Variants in TAOK1 observed in about 807,000 individuals in gnomAD.
The protein encoded by TAOK1 is TAO kinase 1.
Under a neutral mutation model 138.3 loss-of-function variants are expected in TAOK1, and 21 were observed. The observed-to-expected ratio is 0.15, with a 90% CI of 0.11 to 0.22. TAOK1 has a LOEUF of 0.22. Ranked by LOEUF, TAOK1 falls within the 10% of genes least tolerant of loss-of-function variation. The pLI is 1.00. For synonymous variants in TAOK1, 361 were observed against 398.4 expected (o/e 0.91, Z 1.12); for missense variants, 651 against 1,227.7 (o/e 0.53, Z 7.02).
chr17:29,517,933 G>A (rs576987572), intron 16 of TAOK1, among the ~76,000 whole-genome samples: 2 of 152,034 alleles, frequency 1.3e-5, no homozygotes, highest in East Asian at 1.9e-4. Flanking sequence ...TTGGCTCAGT[G>A]CAACCTCCAC....
chr17:29,406,722 A>G (rs7208877), intron 1 of TAOK1, among the ~76,000 whole-genome samples: 148,112 of 152,094 alleles, frequency 0.97, 72,152 homozygotes, highest in East Asian at 1. Flanking sequence ...GACTACTGGC[A>G]TACACCACCA....
At chr17:29,423,324 A>G (rs1375491474) in intron 1 of TAOK1, among the ~76,000 whole-genome samples, 3 of 148,958 alleles carry the variant, frequency 2.0e-5, no homozygotes, top group African/African-American at 2.5e-5. Flanking sequence ...GGTTCACGCC[A>G]TTCTGCTCAG....
intron 1 of TAOK1, among the ~76,000 whole-genome samples, chr17:29,432,460 T>C (rs1905873943): frequency 6.6e-6 from 1 of 152,228 alleles, no homozygotes; most frequent in Non-Finnish European, 1.5e-5. Context: ...GCAGAGATTT[T>C]GTTTATGGCC....
Position 29,413,133 on chromosome 17 carries a change from T to C in TAOK1, c.-95+22109T>C, listed in dbSNP as rs550873694. ...AATGGCTTACTCATAGTCATTGTTA[T>C]ACATAGTGGTGATCCTGAGTCAACA... On this transcript the variant is annotated intron_variant, in intron 1 of 19. Transcript: ENST00000261716. 3.3e-5 allele frequency among the ~76,000 whole-genome samples: 5 copies of C among 152,330 alleles called. No individual in the cohort carries two copies. The East Asian group carries it at 5.8e-4, about 18-fold the overall frequency.
chr17:29,410,952 T>G (rs1905127585), intron 1 of TAOK1, among the ~76,000 whole-genome samples: 1 of 152,004 alleles, frequency 6.6e-6, no homozygotes, highest in Admixed American at 6.6e-5. Context: ...ACTATTATCT[T>G]AATTCTACTT....
chr17:29,521,758 G>C (rs918270708), intron 16 of TAOK1, among the ~76,000 whole-genome samples: 8 of 152,112 alleles, frequency 5.3e-5, no homozygotes, highest in African/African-American at 1.9e-4. Flanking sequence ...AATTTTTTGT[G>C]TTTTTAGTAG....
chr17:29,395,968 C>T (rs1186397849), intron 1 of TAOK1, among the ~76,000 whole-genome samples: 2 of 151,376 alleles, frequency 1.3e-5, no homozygotes, highest in South Asian at 2.1e-4. Flanking sequence ...GCACCCGGCC[C>T]GATTTCCGTA....
intron 12 of TAOK1, among the ~76,000 whole-genome samples, chr17:29,502,063 C>CA (rs2031540721): frequency 6.6e-6 from 1 of 152,078 alleles, no homozygotes; most frequent in Non-Finnish European, 1.5e-5. Flanking sequence ...ATCAATCAGT[C>CA]AATCTAGTCA....
rs1304840743 is a variant in TAOK1, at chr17:29,522,266, G to A, written c.1909-14G>A. 4 of 1,612,834 alleles carry A rather than the reference G, an allele frequency of 2.5e-6. No individual in the cohort carries two copies. On this transcript the variant is annotated splice_polypyrimidine_tract_variant and intron_variant, in intron 16 of 19. Transcript: ENST00000261716. The stretch of plus-strand genomic sequence containing the variant: ...GCAGTAAGTTATACCTTTGTCTTTT[G>A]TGTTATGGATTAGGAGTTAAACAAA...
chr17:29,422,960 G>C (rs78943577), intron 1 of TAOK1, among the ~76,000 whole-genome samples: 2 of 152,270 alleles, frequency 1.3e-5, no homozygotes, highest in Admixed American at 6.5e-5. Flanking sequence ...GGGAGGCAAA[G>C]GTTGCAGTGA....
At chr17:29,397,811 ATATG>A (rs1904707229) in intron 1 of TAOK1, among the ~76,000 whole-genome samples, 2 of 149,996 alleles carry the variant, frequency 1.3e-5, no homozygotes, top group Non-Finnish European at 3.0e-5. Flanking sequence ...ATGTATGTAT[ATATG>A]TATATACATG....
intron 1 of TAOK1, among the ~76,000 whole-genome samples, chr17:29,430,233 ACCTGAGGAGCGGCTCAAGGAGC>A (rs1905781532): frequency 6.6e-6 from 1 of 152,206 alleles, no homozygotes; most frequent in Admixed American, 6.5e-5. Context: ...GTGGGAGCAG[ACCTGAGGAGCGGCTCAAGGAGC>A]CCAGGTGTAG....
At chr17:29,475,857 A>G (rs2030931993) in intron 4 of TAOK1, 86 bp downstream of exon 4, 7 of 964,564 alleles carry the variant, frequency 7.3e-6, no homozygotes, top group African/African-American at 1.7e-5. Flanking sequence ...CTGGTTGTGT[A>G]AATGCATGCA....
intron 1 of TAOK1, among the ~76,000 whole-genome samples, chr17:29,444,197 C>T (rs1598483417): frequency 6.6e-6 from 1 of 151,900 alleles, no homozygotes; most frequent in Admixed American, 6.6e-5. Context: ...GTGTATTTAG[C>T]AGACTAGAAG....
At chr17:29,497,363 T>C (rs2031434680) in intron 11 of TAOK1, among the ~76,000 whole-genome samples, 3 of 152,190 alleles carry the variant, frequency 2.0e-5, no homozygotes, top group Admixed American at 6.5e-5. Flanking sequence ...ATTGGGATGA[T>C]TTCAGATATG....
chr17:29,429,341 CT>C (rs1302236319), intron 1 of TAOK1, among the ~76,000 whole-genome samples: 1 of 151,840 alleles, frequency 6.6e-6, no homozygotes, highest in Non-Finnish European at 1.5e-5. Flanking sequence ...GTCCCCCACA[CT>C]GGGGGACACT....
rs2031839082 is a variant in TAOK1 at position 29,517,480 on chromosome 17, A to C, written c.1732A>C (p.Lys578Gln). The change falls in exon 16 of 20, where the codon AAA becomes CAA. Residue 578 changes from lysine to glutamine, a missense_variant. This residue lies in a region of TAOK1 where 258 missense variants were observed against 548.9 expected (regional missense o/e 0.47). Coordinates refer to ENST00000261716, the MANE Select transcript of TAOK1 (RefSeq NM_020791.4). ...GCTAAATGAAAACCAGAGTACCCCC[A>C]AAAAAGAAAAACAGGAGTGGCTTTC... is the stretch of plus-strand genomic sequence containing the variant. Reference protein sequence around the residue: ...EELNENQSTPKKEKQEWLSKQ... With the variant: ...EELNENQSTPQKEKQEWLSKQ... 6.2e-7 allele frequency: 1 copy of C among 1,613,796 alleles called. No homozygotes were observed. The highest frequency in any genetic ancestry group is 8.5e-7 in the Non-Finnish European group (1 of 1,179,948).
intron 1 of TAOK1, among the ~76,000 whole-genome samples, chr17:29,425,407 G>C (rs1430469565): frequency 6.6e-6 from 1 of 152,120 alleles, no homozygotes; most frequent in Non-Finnish European, 1.5e-5. Flanking sequence ...TACCAGGCTT[G>C]GTGGCTCCTG....
rs1402988483 is a variant in TAOK1, at chr17:29,441,334, C to T, written c.-94-10121C>T. Among the ~76,000 whole-genome samples the T allele has an allele frequency of 2.0e-5, 3 of 152,076 alleles. No homozygotes were observed. In the East Asian group the frequency reaches 5.8e-4, roughly 29 times the overall value. On this transcript the variant is annotated intron_variant, in intron 1 of 19. Coordinates refer to ENST00000261716, the MANE Select transcript of TAOK1 (RefSeq NM_020791.4). ...GTCCACTCTGGGCAATATAGCGAGA[C>T]CCTGCTCTTTAAAAAAATTGTAGAA...
Sources: gnomAD v4.1 joint callset for allele counts (sites outside exome capture counted in the v4.1 genomes callset) on GRCh38, gnomAD v4.1.1 for gene constraint, gnomAD v4.1.1 regional missense constraint, MANE v1.5 for transcripts, NCBI Gene and HGNC (gene_info 2026-07-23, HGNC 2026-07-21) for gene names.